The following ARHGEF10 variants were observed in gnomAD, a reference collection of about 807,000 sequenced individuals.
ARHGEF10 encodes the protein Rho guanine nucleotide exchange factor (GEF) 10.
Under a neutral mutation model 147.4 loss-of-function variants are expected in ARHGEF10, and 140 were observed. The observed-to-expected ratio is 0.95, with a 90% CI of 0.83 to 1.09. The LOEUF (loss-of-function observed/expected upper bound fraction) is 1.09, where lower values mean the gene tolerates loss of function less well. Ranked by LOEUF, ARHGEF10 falls within the 50% of genes least tolerant of loss-of-function variation. The pLI is 0.00. For synonymous variants in ARHGEF10, 902 were observed against 695.8 expected, an observed-to-expected ratio of 1.30 and a Z score of -4.67; for missense variants, 2,222 against 1,752.7, an observed-to-expected ratio of 1.27 and a Z score of -4.78.
intron 5 of ARHGEF10, among the ~76,000 whole-genome samples, chr8:1,865,329 G>T (rs1806490124): frequency 6.6e-6 from 1 of 151,192 alleles, no homozygotes; most frequent in South Asian, 2.1e-4. Context: ...GCCGTCACCA[G>T]GACACAGGGC....
At chr8:1,854,003 C>T (rs914733829) in intron 2 of ARHGEF10, among the ~76,000 whole-genome samples, 1 of 152,222 alleles carries the variant, frequency 6.6e-6, no homozygotes, top group African/African-American at 2.4e-5. Flanking sequence ...AGGATTTCAG[C>T]ACAGGGATTT....
chr8:1,853,743 G>A (rs1805329681), intron 2 of ARHGEF10, among the ~76,000 whole-genome samples: 1 of 152,238 alleles, frequency 6.6e-6, no homozygotes. Flanking sequence ...GGTGCTGGCA[G>A]GCTGTGTGTG....
chr8:1,876,741 G>A lies in ARHGEF10; in HGVS notation c.843+7G>A. Reference sequence around the variant, plus strand: ...CAGCAACCACAAAAAGCAAGTACGTGTTCCCTGCACATGTGAGGGATGGTT... The same window carrying A: ...CAGCAACCACAAAAAGCAAGTACGTATTCCCTGCACATGTGAGGGATGGTT... On this transcript the variant is annotated splice_region_variant and intron_variant, in intron 8 of 28. Transcript: ENST00000349830. 6.2e-7 allele frequency: 1 copy of A among 1,614,124 alleles called. No individual in the cohort carries two copies. The highest frequency in any genetic ancestry group is 8.5e-7 in the Non-Finnish European group (1 of 1,179,998).
intron 18 of ARHGEF10, among the ~76,000 whole-genome samples, chr8:1,909,732 C>T (rs145263923): frequency 2.6e-5 from 4 of 152,308 alleles, no homozygotes; most frequent in Admixed American, 1.3e-4. Flanking sequence ...AAGTGGATTC[C>T]GTCTTCCCGG....
chr8:1,880,325 C>T (rs1394826933), intron 9 of ARHGEF10, among the ~76,000 whole-genome samples, 161 bp downstream of exon 9: 7 of 152,220 alleles, frequency 4.6e-5, no homozygotes, highest in East Asian at 3.9e-4. Flanking sequence ...GACTCTGAGA[C>T]GCTCTGTGCC....
chr8:1,944,373 G>A (rs2129272168), intron 26 of ARHGEF10, among the ~76,000 whole-genome samples: 1 of 152,308 alleles, frequency 6.6e-6, no homozygotes, highest in South Asian at 2.1e-4. Context: ...GTCCCTGATG[G>A]AATCTCAACT....
intron 5 of ARHGEF10, 64 bp from the exon 6 acceptor site, chr8:1,866,462 G>C (rs1447435672): frequency 7.1e-7 from 1 of 1,408,986 alleles, no homozygotes. Context: ...CTGCAGGGCA[G>C]TTGGCATCCT....
intron 27 of ARHGEF10, among the ~76,000 whole-genome samples, chr8:1,946,884 C>T (rs1055371581): frequency 6.6e-6 from 1 of 152,186 alleles, no homozygotes; most frequent in Non-Finnish European, 1.5e-5. Flanking sequence ...ATATTCGGTG[C>T]ACGGTGGGTC....
At chr8:1,945,435 A>C in intron 26 of ARHGEF10, 46 bp from the exon 27 acceptor site, 1 of 1,554,820 alleles carries the variant, frequency 6.4e-7, no homozygotes, top group East Asian at 2.4e-5. Context: ...GGCCCCACTC[A>C]GACTCACTCC....
chr8:1,907,014 G>A (rs1810948002), intron 17 of ARHGEF10, among the ~76,000 whole-genome samples: 1 of 152,230 alleles, frequency 6.6e-6, no homozygotes, highest in Non-Finnish European at 1.5e-5. Flanking sequence ...ACAGCCGCAG[G>A]CCACCTGCCT....
chr8:1,826,396 G>T (rs1276093666), intron 1 of ARHGEF10, among the ~76,000 whole-genome samples: 1 of 135,306 alleles, frequency 7.4e-6, no homozygotes, highest in Non-Finnish European at 1.6e-5. Flanking sequence ...GTGTGTGCGT[G>T]TGTTTGTGTG....
chr8:1,834,241 G>A (rs1017255623), intron 1 of ARHGEF10, among the ~76,000 whole-genome samples: 5 of 152,232 alleles, frequency 3.3e-5, no homozygotes, highest in African/African-American at 9.6e-5. Flanking sequence ...ATTCTGACCC[G>A]GTTAGCTCGT....
intron 2 of ARHGEF10, among the ~76,000 whole-genome samples, chr8:1,850,179 TG>T (rs1804983287): frequency 7.3e-6 from 1 of 136,518 alleles, no homozygotes; most frequent in African/African-American, 2.7e-5. Context: ...GGGCAAATGC[TG>T]AGGAGGGCGT....
At chr8:1,855,959 C>A (rs190489238) in intron 2 of ARHGEF10, among the ~76,000 whole-genome samples, 1 of 151,420 alleles carries the variant, frequency 6.6e-6, no homozygotes, top group Non-Finnish European at 1.5e-5. Context: ...TGTTTACGGT[C>A]GCTTGGGAGA....
chr8:1,845,047 G>A (rs1224014149), intron 2 of ARHGEF10, among the ~76,000 whole-genome samples: 1 of 152,198 alleles, frequency 6.6e-6, no homozygotes, highest in African/African-American at 2.4e-5. Context: ...GCTGGGGTGG[G>A]AGGTTCACTT....
intron 27 of ARHGEF10, among the ~76,000 whole-genome samples, chr8:1,952,380 A>G (rs73546746): frequency 0.037 from 5,601 of 152,310 alleles, 203 homozygotes; most frequent in African/African-American, 0.097. Context: ...CCCAGAAGCA[A>G]AAGGTTTAGA....
At chr8:1,866,360 C>T (rs1806610208) in intron 5 of ARHGEF10, among the ~76,000 whole-genome samples, 166 bp from the exon 6 acceptor site, 1 of 151,992 alleles carries the variant, frequency 6.6e-6, no homozygotes, top group South Asian at 2.1e-4. Context: ...CTTGGGATGT[C>T]CTATAATAAT....
At chr8:1,843,265 TGCGGGG>T in intron 1 of ARHGEF10, 82 bp from the exon 2 acceptor site, 2 of 945,230 alleles carry the variant, frequency 2.1e-6, no homozygotes, top group Admixed American at 4.0e-5. Context: ...TCTTCCTTTT[TGCGGGG>T]TTCTCTGTCG....
intron 18 of ARHGEF10, among the ~76,000 whole-genome samples, chr8:1,921,597 G>A (rs1458224094): frequency 1.3e-5 from 2 of 152,164 alleles, no homozygotes; most frequent in African/African-American, 2.4e-5. Context: ...AGCTGGGCAT[G>A]GTGGCAGGTG....
Sources: gnomAD v4.1 joint callset for allele counts (sites outside exome capture counted in the v4.1 genomes callset) on GRCh38, gnomAD v4.1.1 for gene constraint, MANE v1.5 for transcripts, NCBI Gene and HGNC (gene_info 2026-07-23, HGNC 2026-07-21) for gene names.